EFR3A: variants seen among roughly 807,000 people sequenced by gnomAD.
EFR3A encodes the protein protein EFR3 homolog A.
EFR3A carries 76 observed loss-of-function variants against 104.4 expected under a neutral mutation model. That is an observed-to-expected ratio of 0.73 (90% CI 0.60 to 0.88). The LOEUF (loss-of-function observed/expected upper bound fraction) is 0.88, where lower values mean the gene tolerates loss of function less well. EFR3A is among the 40% of genes least tolerant of loss of function. The probability of loss-of-function intolerance (pLI) is 0.00; values close to 1 mark genes in which losing one functional copy is unlikely to be tolerated. For synonymous variants in EFR3A, 330 were observed against 330.0 expected (o/e 1.00, Z 0.00); for missense variants, 985 against 1,012.5 (o/e 0.97, Z 0.37).
intron 1 of EFR3A, among the ~76,000 whole-genome samples, chr8:131,921,609 A>T (rs548814005): frequency 1.6e-4 from 25 of 152,298 alleles, no homozygotes; most frequent in African/African-American, 6.0e-4. Flanking sequence ...TAATGGTATA[A>T]TCTTTTTTTC....
At chr8:131,953,772 T>C in intron 5 of EFR3A, 46 bp from the exon 6 acceptor site, 1 of 1,482,748 alleles carries the variant, frequency 6.7e-7, no homozygotes, top group Non-Finnish European at 9.0e-7. Context: ...CTTGTTTAAA[T>C]AATTTTTTTA....
chr8:131,928,697 G>T (rs1027805663), intron 1 of EFR3A, among the ~76,000 whole-genome samples: 9 of 151,986 alleles, frequency 5.9e-5, no homozygotes, highest in African/African-American at 2.2e-4. Flanking sequence ...ACAATATTTA[G>T]TCCATCTTGA....
rs1033017022 is a variant in EFR3A at position 132,001,673 on chromosome 8, A to G, written c.2158-86A>G. The G allele has an allele frequency of 2.5e-6, 3 of 1,188,466 alleles. No individual in the cohort carries two copies. The African/African-American group carries it at 4.6e-5, about 18-fold the overall frequency. 73.6% of individuals were successfully genotyped at this position (1,188,466 alleles called of 1,614,324 possible). Reference sequence around the variant, plus strand: ...ACAAAGAAGAAAACAAATCTGAAAAACTTCTTAGATGACTTGTAACTAGGT... The same window carrying G: ...ACAAAGAAGAAAACAAATCTGAAAAGCTTCTTAGATGACTTGTAACTAGGT... On this transcript the variant is annotated intron_variant, in intron 19 of 22. Coordinates refer to ENST00000254624, the MANE Select transcript of EFR3A (RefSeq NM_015137.6).
intron 1 of EFR3A, among the ~76,000 whole-genome samples, chr8:131,932,366 A>G (rs1320822039): frequency 2.0e-5 from 3 of 152,162 alleles, no homozygotes. Flanking sequence ...ATGTTCAAGC[A>G]TTGATATAAC....
chr8:131,983,355 G>A lies in EFR3A; in HGVS notation c.1576-784G>A, dbSNP rs184627104. ...CAGTAGTGAGAAGTGGGGAGGGCAA[G>A]AGCATGGTGGTCATTCCAGTTGTCC... On this transcript the variant is annotated intron_variant, in intron 14 of 22. Transcript: ENST00000254624. 6.2e-3 allele frequency among the ~76,000 whole-genome samples: 938 copies of A among 152,254 alleles called. 4 individuals are homozygous for A. Among genetic ancestry groups the A allele is most frequent in the Middle Eastern group, 0.014 (4 of 294 alleles).
At chr8:131,955,044 C>G (rs1426490481) in intron 6 of EFR3A, among the ~76,000 whole-genome samples, 1 of 152,050 alleles carries the variant, frequency 6.6e-6, no homozygotes, top group Non-Finnish European at 1.5e-5. Context: ...GGCACTGTAG[C>G]TGAGGTGAAA....
rs150826588 is a variant in EFR3A at position 131,975,998 on chromosome 8, T to C, written c.1160-29T>C. 1,577 of 1,380,346 alleles carry C rather than the reference T, an allele frequency of 1.1e-3. 2 individuals carry two copies. The highest frequency in any genetic ancestry group is 1.5e-3 in the Non-Finnish European group (1,479 of 996,588). 85.5% of individuals were successfully genotyped at this position (1,380,346 alleles called of 1,614,324 possible). ...ATATGGAAAAGTAGACTTTTTCAGT[T>C]TCTAAAATTTGTCTTAATACTTTCA... On this transcript the variant is annotated intron_variant, in intron 10 of 22. Transcript: ENST00000254624.
chr8:131,923,560 A>G (rs1161308711), intron 1 of EFR3A, among the ~76,000 whole-genome samples: 4 of 151,324 alleles, frequency 2.6e-5, no homozygotes, highest in Admixed American at 6.6e-5. Context: ...CTTCTTAGGA[A>G]GAATAAAATG....
At chr8:131,989,103 A>G (rs1821036039) in intron 18 of EFR3A, among the ~76,000 whole-genome samples, 1 of 152,168 alleles carries the variant, frequency 6.6e-6, no homozygotes, top group Non-Finnish European at 1.5e-5. Flanking sequence ...ACTTAATTGT[A>G]TAACTGCACT....
chr8:131,977,765 A>AT (rs1325714266), intron 12 of EFR3A, among the ~76,000 whole-genome samples: 2 of 151,890 alleles, frequency 1.3e-5, no homozygotes, highest in African/African-American at 2.4e-5. Flanking sequence ...TGTATTTTTA[A>AT]TTTTTTTTAA....
chr8:131,956,616 A>G (rs373054843), intron 7 of EFR3A, among the ~76,000 whole-genome samples: 1 of 152,170 alleles, frequency 6.6e-6, no homozygotes, highest in African/African-American at 2.4e-5. Context: ...TAGTGGCTTT[A>G]TAGAATATGT....
At chr8:131,924,103 G>A in intron 1 of EFR3A, 1 of 443,250 alleles carries the variant, frequency 2.3e-6, no homozygotes, top group Non-Finnish European at 4.5e-6. Flanking sequence ...TAAAATGAAT[G>A]CTTATTAGAT....
intron 2 of EFR3A, among the ~76,000 whole-genome samples, chr8:131,942,435 G>C (rs1470308155): frequency 6.6e-6 from 1 of 151,984 alleles, no homozygotes; most frequent in African/African-American, 2.4e-5. Context: ...TCTAGTAAGG[G>C]GGACAGATAA....
chr8:131,927,166 A>T (rs1482433233), intron 1 of EFR3A, among the ~76,000 whole-genome samples: 1 of 152,164 alleles, frequency 6.6e-6, no homozygotes, highest in Non-Finnish European at 1.5e-5. Context: ...CAGCAGAGAG[A>T]GTAGCACCTG....
intron 1 of EFR3A, among the ~76,000 whole-genome samples, chr8:131,906,789 A>G (rs1371605542): frequency 6.6e-6 from 1 of 152,222 alleles, no homozygotes; most frequent in Non-Finnish European, 1.5e-5. Flanking sequence ...ATCCTTAGGC[A>G]CAGATTTCAA....
intron 1 of EFR3A, among the ~76,000 whole-genome samples, chr8:131,936,599 T>C (rs1817902323): frequency 6.6e-6 from 1 of 152,126 alleles, no homozygotes; most frequent in Admixed American, 6.5e-5. Context: ...GTTTTACCTG[T>C]GCTTCTGCCA....
At chr8:131,985,742 T>C (rs1461457959) in intron 16 of EFR3A, among the ~76,000 whole-genome samples, 1 of 152,134 alleles carries the variant, frequency 6.6e-6, no homozygotes. Context: ...GAGAAGTAAA[T>C]ACTACAAAAG....
rs1563664921 is a variant in EFR3A, at chr8:131,959,538, A to C, written c.777-47A>C. On this transcript the variant is annotated intron_variant, in intron 7 of 22. Transcript: ENST00000254624. ...TATTGTTGAGGTTTCTAGAGGAAGA[A>C]AGTATAGTAAAATAGAGAATTTTAA... 3 of 1,495,160 alleles carry C rather than the reference A, an allele frequency of 2.0e-6. No homozygotes were observed. The African/African-American group carries it at 4.2e-5, about 21-fold the overall frequency. 92.6% of individuals were successfully genotyped at this position (1,495,160 alleles called of 1,614,324 possible). A position where few individuals can be genotyped will look rare whatever the true frequency, so the allele number is the denominator to read the frequency against.
intron 2 of EFR3A, 140 bp downstream of exon 2, chr8:131,940,715 C>CA: frequency 1.5e-6 from 2 of 1,322,628 alleles, no homozygotes; most frequent in Non-Finnish European, 9.9e-7. Context: ...TTATACTTTT[C>CA]TTTTTTTTAC....
Sources: gnomAD v4.1 joint callset for allele counts (sites outside exome capture counted in the v4.1 genomes callset) on GRCh38, gnomAD v4.1.1 for gene constraint, MANE v1.5 for transcripts, NCBI Gene and HGNC (gene_info 2026-07-23, HGNC 2026-07-21) for gene names.